VWA8: variants seen among roughly 807,000 people sequenced by gnomAD.
The protein encoded by VWA8 is von Willebrand factor A domain containing 8.
Under a neutral mutation model 241.5 loss-of-function variants are expected in VWA8, and 221 were observed. That is an observed-to-expected ratio of 0.91 (90% CI 0.82 to 1.02). VWA8 has a LOEUF of 1.02. Ranked by LOEUF, VWA8 falls within the 50% of genes least tolerant of loss-of-function variation. VWA8 has a pLI of 0.00. For missense variants in VWA8, 2,322 were observed against 2,328.7 expected (o/e 1.00, Z 0.06); for synonymous variants, 852 against 827.1 (o/e 1.03, Z -0.52).
At chr13:41,781,563 G>A (rs140819387) in intron 19 of VWA8, among the ~76,000 whole-genome samples, 222 of 152,164 alleles carry the variant, frequency 1.5e-3, no homozygotes, top group Middle Eastern at 6.8e-3. Flanking sequence ...TTTAATCTCT[G>A]TATCCCAATA....
intron 43 of VWA8, among the ~76,000 whole-genome samples, chr13:41,571,888 T>C (rs932749915): frequency 3.6e-5 from 5 of 138,180 alleles, no homozygotes; most frequent in Non-Finnish European, 7.8e-5. Flanking sequence ...GCCGCCATCC[T>C]GTCTAGGAAG....
intron 25 of VWA8, 61 bp downstream of exon 25, chr13:41,721,309 C>T (rs2045388044): frequency 2.6e-6 from 4 of 1,551,398 alleles, no homozygotes; most frequent in South Asian, 2.3e-5. Context: ...ACAAACTGTA[C>T]AGTCTGAAAA....
At chr13:41,628,124 G>GA (rs1419445374) in intron 37 of VWA8, among the ~76,000 whole-genome samples, 82 of 152,240 alleles carry the variant, frequency 5.4e-4, no homozygotes, top group African/African-American at 1.8e-3. Flanking sequence ...CTATGCTCAG[G>GA]CCCATGCTGT....
intron 28 of VWA8, among the ~76,000 whole-genome samples, 163 bp downstream of exon 28, chr13:41,701,229 T>C (rs1487490207): frequency 6.6e-6 from 1 of 152,146 alleles, no homozygotes; most frequent in African/African-American, 2.4e-5. Flanking sequence ...TTTTTTTAGG[T>C]TGTTAGAGGA....
intron 12 of VWA8, among the ~76,000 whole-genome samples, chr13:41,858,597 G>A (rs1013221410): frequency 6.6e-6 from 1 of 151,432 alleles, no homozygotes; most frequent in Non-Finnish European, 1.5e-5. Context: ...CAGAGTGAGA[G>A]TGAGACTTCA....
intron 16 of VWA8, among the ~76,000 whole-genome samples, chr13:41,815,914 T>C (rs1870670141): frequency 6.6e-6 from 1 of 152,108 alleles, no homozygotes; most frequent in Admixed American, 6.6e-5. Context: ...GCTTAACTGG[T>C]GAGATTTGTT....
rs371464239 is a variant in VWA8 at position 41,570,579 on chromosome 13, T to G, written c.5498A>C (p.Asn1833Thr). 106 of 1,614,096 alleles carry G rather than the reference T, an allele frequency of 6.6e-5. No homozygotes were observed. The African/African-American group carries it at 1.3e-3, about 20-fold the overall frequency. The change falls in exon 44 of 45, where the codon AAT (asparagine) becomes ACT (threonine). Residue 1833 changes from asparagine (N) to threonine (T), a missense_variant. Physicochemically the swap from Asn to Thr is moderately conservative, Grantham distance 65. Transcript: ENST00000379310. The part of the protein sequence containing the change: ...EYFVIVLSDA[N>T]LSRYGIHPAK... The stretch of plus-strand genomic sequence containing the variant: ...AGGATGTATTCCATATCGTGACAGA[T>G]TTGCATCACTCAAGACTATGACAAA...
chr13:41,831,613 G>GT (rs71096547), intron 13 of VWA8, among the ~76,000 whole-genome samples: 12,064 of 112,710 alleles, frequency 0.11, 1,387 homozygotes, highest in African/African-American at 0.23. Context: ...CCAGGCATGA[G>GT]TTTTTTTTTT....
At chr13:41,779,431 G>T (rs1026614963) in intron 19 of VWA8, among the ~76,000 whole-genome samples, 6 of 151,924 alleles carry the variant, frequency 3.9e-5, no homozygotes, top group Admixed American at 3.9e-4. Context: ...AATGCTTTCA[G>T]ATATGCCATG....
At chr13:41,794,535 T>C (rs1433666235) in intron 17 of VWA8, among the ~76,000 whole-genome samples, 1 of 152,212 alleles carries the variant, frequency 6.6e-6, no homozygotes, top group Non-Finnish European at 1.5e-5. Flanking sequence ...ACTTTTGGGC[T>C]GAGACAATGG....
At position 41,701,548 on chromosome 13, in the gene VWA8, T is replaced by G; in HGVS notation, c.3226-18A>C. 6.5e-7 allele frequency: 1 copy of G among 1,529,554 alleles called. No homozygotes were observed. The highest frequency in any genetic ancestry group is 8.7e-7 in the Non-Finnish European group (1 of 1,143,306). The allele number at this position is 1,529,554 out of a possible 1,614,324, so 94.7% of individuals were successfully genotyped here. ...GCTGGACCCTATAATAAAGCAGTTATCTCAGTTAAGATATTTTGGTTGTCA... is the reference window on the plus strand; with the variant it reads ...GCTGGACCCTATAATAAAGCAGTTAGCTCAGTTAAGATATTTTGGTTGTCA... On this transcript the variant is annotated intron_variant, in intron 27 of 44. Coordinates refer to ENST00000379310, the MANE Select transcript of VWA8 (RefSeq NM_015058.2).
intron 37 of VWA8, among the ~76,000 whole-genome samples, chr13:41,618,484 T>A (rs1219779676): frequency 6.6e-6 from 1 of 152,218 alleles, no homozygotes; most frequent in Non-Finnish European, 1.5e-5. Context: ...TTTATTTAGA[T>A]CCCATTTGTC....
At position 41,850,974 on chromosome 13, in the gene VWA8, G is replaced by T. The variant is rs141402147; in HGVS notation, c.1425+14762C>A. On this transcript the variant is annotated intron_variant, in intron 12 of 44. Transcript: ENST00000379310. ...CAGGAAAACAATATACAAACAAAGT[G>T]AAAAGCTCAACAAAGAGATAGAAAC... Among the ~76,000 whole-genome samples, 242 of 152,234 alleles carry T rather than the reference G, an allele frequency of 1.6e-3. 1 individual carries two copies. Among genetic ancestry groups the T allele is most frequent in the African/African-American group, 5.3e-3 (222 of 41,546 alleles).
At chr13:41,924,153 T>G (rs1325100494) in intron 2 of VWA8, among the ~76,000 whole-genome samples, 1 of 151,912 alleles carries the variant, frequency 6.6e-6, no homozygotes, top group Non-Finnish European at 1.5e-5. Context: ...GATAGAAAAT[T>G]CAATGAAAAC....
chr13:41,689,099 C>T (rs959598176), intron 34 of VWA8, among the ~76,000 whole-genome samples: 15 of 151,868 alleles, frequency 9.9e-5, no homozygotes, highest in Non-Finnish European at 1.8e-4. Context: ...TTACATGAAC[C>T]CCCACATATG....
At chr13:41,627,919 G>A (rs1200343626) in intron 37 of VWA8, among the ~76,000 whole-genome samples, 1 of 152,200 alleles carries the variant, frequency 6.6e-6, no homozygotes, top group Non-Finnish European at 1.5e-5. Context: ...GGGAGATGAT[G>A]CAGGAAAATA....
chr13:41,707,622 C>T (rs1304005737), intron 26 of VWA8, among the ~76,000 whole-genome samples: 1 of 152,142 alleles, frequency 6.6e-6, no homozygotes, highest in Non-Finnish European at 1.5e-5. Context: ...TTGAGTTGTC[C>T]AACAAAGTTC....
At position 41,884,220 on chromosome 13, in the gene VWA8, C is replaced by T. The variant is rs191840484; in HGVS notation, c.976-729G>A. 3.5e-4 allele frequency among the ~76,000 whole-genome samples: 54 copies of T among 152,298 alleles called. No homozygotes were observed. In the East Asian group the frequency reaches 6.4e-3, roughly 18 times the overall value. ...TGAATTGTAGCTCCCACAATCCCCACGTGTCATGGGAGGGACCCAGTGGGA... is the reference window on the plus strand; with the variant it reads ...TGAATTGTAGCTCCCACAATCCCCATGTGTCATGGGAGGGACCCAGTGGGA... On this transcript the variant is annotated intron_variant, in intron 8 of 44. Transcript: ENST00000379310.
intron 9 of VWA8, among the ~76,000 whole-genome samples, chr13:41,874,516 T>C (rs1168530469): frequency 6.6e-6 from 1 of 152,046 alleles, no homozygotes; most frequent in East Asian, 1.9e-4. Flanking sequence ...TGTGCAAAAA[T>C]CACAAGCATT....
Sources: allele counts gnomAD v4.1 joint callset (sites outside exome capture counted in the v4.1 genomes callset), GRCh38; gene constraint gnomAD v4.1.1; transcripts MANE v1.5; gene names NCBI Gene and HGNC (gene_info 2026-07-23, HGNC 2026-07-21).